Variants in HPS5 observed in about 807,000 individuals in gnomAD.
The protein encoded by HPS5 is BLOC-2 complex member HPS5.
In HPS5, 83 loss-of-function variants were observed where a neutral mutation model predicts 128.0. The ratio of observed to expected loss-of-function variants is 0.65; its 90% CI spans 0.54 to 0.78. The LOEUF (loss-of-function observed/expected upper bound fraction) is 0.78. HPS5 is among the 30% of genes least tolerant of loss of function. HPS5 has a pLI of 0.00. For missense variants in HPS5, 1,281 were observed against 1,326.2 expected, an observed-to-expected ratio of 0.97 and a Z score of 0.53; for synonymous variants, 475 against 470.2, an observed-to-expected ratio of 1.01 and a Z score of -0.13.
Position 18,319,207 on chromosome 11 carries a change from A to G in HPS5, c.-49-1300T>C, listed in dbSNP as rs185048332. Among the ~76,000 whole-genome samples the G allele has an allele frequency of 4.6e-4, 70 of 152,022 alleles. No individual in the cohort carries two copies. The East Asian group carries it at 0.011, about 23-fold the overall frequency. ...CAGTGGTAAAAATAAGACAAGTAAA[A>G]TAATTCCAGAAGTCAGTCAGTTTAT... is the stretch of plus-strand genomic sequence containing the variant. On this transcript the variant is annotated intron_variant, in intron 1 of 22. Transcript: ENST00000349215.
chr11:18,297,328 A>G (rs571552623), intron 11 of HPS5, among the ~76,000 whole-genome samples: 1 of 152,342 alleles, frequency 6.6e-6, no homozygotes, highest in African/African-American at 2.4e-5. Flanking sequence ...CTATATGAGT[A>G]TATCAGGGAA....
chr11:18,305,568 G>A, intron 7 of HPS5, 75 bp from the exon 8 acceptor site: 2 of 1,217,588 alleles, frequency 1.6e-6, no homozygotes, highest in Non-Finnish European at 2.4e-6. Context: ...TCCCAATATA[G>A]GGAAATTTTT....
intron 14 of HPS5, among the ~76,000 whole-genome samples, 173 bp downstream of exon 14, chr11:18,294,847 A>G (rs562043867): frequency 6.6e-5 from 10 of 152,122 alleles, no homozygotes; most frequent in African/African-American, 2.4e-4. Flanking sequence ...AAAAAATCAC[A>G]AAAAAACTCA....
At chr11:18,315,968 TAC>T (rs1211666236) in intron 2 of HPS5, among the ~76,000 whole-genome samples, 1 of 152,058 alleles carries the variant, frequency 6.6e-6, no homozygotes, top group African/African-American at 2.4e-5. Flanking sequence ...TGAAAGAGGG[TAC>T]ACACAGCCAG....
chr11:18,294,038 G>C (rs1345979037), intron 14 of HPS5, among the ~76,000 whole-genome samples: 1 of 152,110 alleles, frequency 6.6e-6, no homozygotes, highest in African/African-American at 2.4e-5. Context: ...CTTAATTCCT[G>C]GGTAAGTGCT....
chr11:18,290,646 G>C (rs530944653), intron 16 of HPS5, among the ~76,000 whole-genome samples: 2 of 152,298 alleles, frequency 1.3e-5, no homozygotes, highest in Middle Eastern at 3.4e-3. Context: ...CTAGGGCCAG[G>C]CATGGTGGCT....
At chr11:18,292,751 C>G in intron 15 of HPS5, 148 bp downstream of exon 15, 1 of 709,492 alleles carries the variant, frequency 1.4e-6, no homozygotes, top group South Asian at 1.6e-5. Flanking sequence ...GCAACTTGGA[C>G]TTAATAAAAG....
At chr11:18,315,590 G>A (rs1863526413) in intron 2 of HPS5, among the ~76,000 whole-genome samples, 1 of 151,718 alleles carries the variant, frequency 6.6e-6, no homozygotes, top group South Asian at 2.1e-4. Flanking sequence ...TCCAGCCTAG[G>A]CAAGGGAGTG....
intron 16 of HPS5, among the ~76,000 whole-genome samples, chr11:18,289,071 C>G (rs886197407): frequency 6.6e-6 from 1 of 152,142 alleles, no homozygotes; most frequent in African/African-American, 2.4e-5. Context: ...CCTCTGAAGA[C>G]AAATCCCAAA....
rs779921624 is a variant in HPS5 at position 18,291,846 on chromosome 11, G to C, written c.2036C>G (p.Ser679Ter). 6 of 1,604,888 alleles carry C rather than the reference G, an allele frequency of 3.7e-6. No individual in the cohort carries two copies. The South Asian group carries it at 5.6e-5, about 15-fold the overall frequency. The change falls in exon 16 of 23, where the codon TCA becomes TGA. Residue 679 changes from serine (S) to a stop codon, truncating the protein, a stop_gained. Transcript: ENST00000349215. LOFTEE classifies it high-confidence loss of function. ...ATCTTCATCTAATATTCCCTTTTTTGATTCATTAACTAATAGCACATCCTG... is the reference window on the plus strand; with the variant it reads ...ATCTTCATCTAATATTCCCTTTTTTCATTCATTAACTAATAGCACATCCTG... ...LNQDVLLVNESKKGILDEDNE... is the reference protein window; with the variant it reads ...LNQDVLLVNE
At chr11:18,315,487 C>A (rs751403714) in intron 2 of HPS5, among the ~76,000 whole-genome samples, 4 of 152,106 alleles carry the variant, frequency 2.6e-5, no homozygotes, top group Non-Finnish European at 4.4e-5. Context: ...GTGGCAGGTG[C>A]CTGTAATCCC....
intron 18 of HPS5, chr11:18,286,936 G>A: frequency 3.3e-6 from 2 of 599,676 alleles, no homozygotes; most frequent in South Asian, 2.0e-5. Flanking sequence ...GAGAAAGAGA[G>A]AGAGAAAGAA....
chr11:18,311,817 T>TA, intron 3 of HPS5, 97 bp downstream of exon 3: 1 of 977,920 alleles, frequency 1.0e-6, no homozygotes, highest in Non-Finnish European at 1.7e-6. Context: ...AGCCAAGTTC[T>TA]ACATTCTTTT....
intron 2 of HPS5, among the ~76,000 whole-genome samples, chr11:18,316,911 T>C (rs924330071): frequency 2.0e-5 from 3 of 152,182 alleles, no homozygotes; most frequent in Non-Finnish European, 4.4e-5. Context: ...GGTAATTAAT[T>C]AGCTCAAACA....
intron 1 of HPS5, among the ~76,000 whole-genome samples, chr11:18,319,290 C>CACACAA (rs1177236355): frequency 8.0e-6 from 1 of 125,690 alleles, no homozygotes; most frequent in African/African-American, 2.8e-5. Flanking sequence ...CACACACACA[C>CACACAA]ACACATCTTA....
rs35143344 is a variant in HPS5 at position 18,281,082 on chromosome 11, ATT to A, written c.3329+866_3329+867del. On this transcript the variant is annotated intron_variant, in intron 22 of 22. Transcript: ENST00000349215. ...AGACATTAGGTATCTGGTACCAGTA[ATT>A]TTTTTTTTTTTTTTCAGAGTTTTGC... Among the ~76,000 whole-genome samples the A allele has an allele frequency of 5.0e-5, 7 of 140,778 alleles. No homozygotes were observed. In the East Asian group the frequency reaches 1.0e-3, roughly 21 times the overall value. 92.4% of individuals were successfully genotyped at this position (140,778 alleles called of 152,430 possible).
chr11:18,300,963 A>G, intron 8 of HPS5, 47 bp from the exon 9 acceptor site: 1 of 1,098,812 alleles, frequency 9.1e-7, no homozygotes, highest in Non-Finnish European at 1.4e-6. Context: ...AGGATACAAA[A>G]GTTTATAATT....
intron 22 of HPS5, 88 bp from the exon 23 acceptor site, chr11:18,280,030 A>T: frequency 7.4e-7 from 1 of 1,359,228 alleles, no homozygotes; most frequent in Non-Finnish European, 1.0e-6. Flanking sequence ...GTTTCAGAGG[A>T]TTCAAAAAGT....
chr11:18,317,428 G>C (rs1384644153), intron 2 of HPS5, among the ~76,000 whole-genome samples: 1 of 151,910 alleles, frequency 6.6e-6, no homozygotes, highest in African/African-American at 2.4e-5. Flanking sequence ...GCTAATTTTT[G>C]TATTTTTAGT....
Sources: allele counts gnomAD v4.1 joint callset (sites outside exome capture counted in the v4.1 genomes callset), GRCh38; gene constraint gnomAD v4.1.1; transcripts MANE v1.5; gene names NCBI Gene and HGNC (gene_info 2026-07-23, HGNC 2026-07-21).